Variants in MTM1 observed in about 807,000 individuals in gnomAD.
MTM1 encodes the protein myotubularin 1, also known as myotubularin.
MTM1 carries 9 observed loss-of-function variants against 52.1 expected under a neutral mutation model. The ratio of observed to expected loss-of-function variants is 0.17; its 90% confidence interval spans 0.10 to 0.30. MTM1 has a LOEUF of 0.30. Ranked by LOEUF, MTM1 falls within the 10% of genes least tolerant of loss-of-function variation. The pLI, the probability that MTM1 is intolerant of heterozygous loss-of-function variation, is 1.00. For synonymous variants in MTM1, 136 were observed against 163.8 expected, an observed-to-expected ratio of 0.83 and a Z score of 1.29; for missense variants, 277 against 470.7, an observed-to-expected ratio of 0.59 and a Z score of 3.81.
intron 1 of MTM1, among the ~76,000 whole-genome samples, chrX:150,583,913 ATATAAAATATATATTAAATTAAAAT>A (rs1557412124): frequency 9.8e-5 from 5 of 51,120 alleles, no homozygotes; most frequent in African/African-American, 3.5e-4. Flanking sequence ...TATATATATA[ATATAAAATATATATTAAATTAAAAT>A]ATATATATTA....
At chrX:150,661,403 T>C in intron 13 of MTM1, among the ~76,000 whole-genome samples, 1 of 111,506 alleles carries the variant, frequency 9.0e-6, no homozygotes, top group Non-Finnish European at 1.9e-5. Flanking sequence ...AGTAAAAATA[T>C]AGCTACCATA....
chrX:150,590,421 T>C (rs2038863390), intron 1 of MTM1, among the ~76,000 whole-genome samples: 1 of 111,875 alleles, frequency 8.9e-6, no homozygotes, highest in Non-Finnish European at 1.9e-5. Flanking sequence ...GGATAGCAAA[T>C]TCGTGGTTGC....
chrX:150,653,885 C>T (rs1429746425), intron 10 of MTM1, among the ~76,000 whole-genome samples: 1 of 112,127 alleles, frequency 8.9e-6, no homozygotes, highest in African/African-American at 3.2e-5. Context: ...TGAGCCTATG[C>T]TCAATGTGAG....
At chrX:150,651,544 T>C (rs983262045) in intron 10 of MTM1, among the ~76,000 whole-genome samples, 2 of 105,575 alleles carry the variant, frequency 1.9e-5, no homozygotes, top group African/African-American at 7.0e-5. Flanking sequence ...CATAAAAAAA[T>C]GAAAGGCAAA....
intron 6 of MTM1, among the ~76,000 whole-genome samples, chrX:150,622,390 G>A (rs1243831550): frequency 9.0e-6 from 1 of 111,711 alleles, no homozygotes; most frequent in East Asian, 2.8e-4. Context: ...AAGTCCACAT[G>A]TGCAACTGTT....
At chrX:150,583,908 ATATAAT>A (rs2038724742) in intron 1 of MTM1, among the ~76,000 whole-genome samples, 1 of 45,763 alleles carries the variant, frequency 2.2e-5, no homozygotes, top group African/African-American at 7.2e-5. Context: ...ATATATATAT[ATATAAT>A]ATAAAATATA....
At chrX:150,615,995 G>C (rs893442428) in intron 5 of MTM1, among the ~76,000 whole-genome samples, 5 of 111,241 alleles carry the variant, frequency 4.5e-5, no homozygotes, top group Non-Finnish European at 9.4e-5. Flanking sequence ...GGAGTAGAGT[G>C]TTTAATATTA....
At chrX:150,578,103 TG>T (rs2038504729) in intron 1 of MTM1, among the ~76,000 whole-genome samples, 1 of 112,234 alleles carries the variant, frequency 8.9e-6, no homozygotes, top group South Asian at 3.7e-4. Context: ...GAAGTTATCC[TG>T]GGTAGGCCTG....
chrX:150,573,189 G>T (rs1242669844), intron 1 of MTM1, among the ~76,000 whole-genome samples: 4 of 112,489 alleles, frequency 3.6e-5, no homozygotes, highest in East Asian at 5.6e-4. Context: ...CATGTCTAGA[G>T]ATCATGCTCC....
At chrX:150,648,754 A>G (rs1350585327) in intron 9 of MTM1, among the ~76,000 whole-genome samples, 1 of 112,958 alleles carries the variant, frequency 8.9e-6, no homozygotes, top group Non-Finnish European at 1.9e-5. Flanking sequence ...TAGTTGCTGC[A>G]GTAGGCGGTA....
Position 150,583,666 on chromosome X carries a change from ATTT to A in MTM1, c.-10-8938_-10-8936del, listed in dbSNP as rs1557412061. Among the ~76,000 whole-genome samples, 178 of 38,073 alleles carry A rather than the reference ATTT, an allele frequency of 4.7e-3. 24 individuals carry two copies. Among genetic ancestry groups the A allele is most frequent in the African/African-American group, 0.017 (167 of 9,543 alleles). 33.1% of individuals were successfully genotyped at this position (38,073 alleles called of 115,157 possible). On this transcript the variant is annotated intron_variant, in intron 1 of 14. Coordinates refer to ENST00000370396, the MANE Select transcript of MTM1 (RefSeq NM_000252.3). ...ATATAATTTATATATATTATATATA[ATTT>A]ATATATAAATAATTTGTATATATTA...
intron 6 of MTM1, among the ~76,000 whole-genome samples, chrX:150,634,100 T>C (rs782585657): frequency 8.9e-6 from 1 of 112,568 alleles, no homozygotes; most frequent in East Asian, 2.8e-4. Flanking sequence ...TTTGGAGACA[T>C]AGGTCATTAA....
rs2040409252 is a variant in MTM1, at chrX:150,672,374, A to G, written c.*779A>G. The G allele has an allele frequency of 1.8e-5, 2 of 111,925 alleles. No individual in the cohort carries two copies. Among genetic ancestry groups the G allele is most frequent in the Non-Finnish European group, 1.9e-5 (1 of 53,239 alleles). 9.2% of individuals were successfully genotyped at this position (111,925 alleles called of 1,213,427 possible). On this transcript the variant is annotated 3_prime_UTR_variant, in exon 15 of 15. Transcript: ENST00000370396. ...CAAACCCCAAAGAGAGCACTGTCCA[A>G]GGATGTCGGGAGCATCCTGCTGCTT...
intron 1 of MTM1, among the ~76,000 whole-genome samples, chrX:150,570,250 A>T (rs939449713): frequency 9.0e-6 from 1 of 111,331 alleles, no homozygotes; most frequent in African/African-American, 3.3e-5. Flanking sequence ...ATAAACAATG[A>T]TATATTTTCT....
intron 2 of MTM1, among the ~76,000 whole-genome samples, chrX:150,594,516 G>A (rs1557412563): frequency 8.9e-6 from 1 of 112,024 alleles, no homozygotes; most frequent in African/African-American, 3.2e-5. Context: ...TTGAAATACT[G>A]AAGTTTAAAG....
At chrX:150,583,457 TAATTATAA>T (rs2038663985) in intron 1 of MTM1, among the ~76,000 whole-genome samples, 3 of 28,091 alleles carry the variant, frequency 1.1e-4, no homozygotes, top group Non-Finnish European at 1.6e-4. Context: ...ATATTATATA[TAATTATAA>T]ATATATATAA....
chrX:150,584,330 A>G (rs1557412160), intron 1 of MTM1, among the ~76,000 whole-genome samples: 1 of 110,579 alleles, frequency 9.0e-6, no homozygotes, highest in East Asian at 2.8e-4. Context: ...CAAGTGGCAG[A>G]AGAATATATA....
At chrX:150,625,836 G>A (rs1324261057) in intron 6 of MTM1, among the ~76,000 whole-genome samples, 4 of 112,729 alleles carry the variant, frequency 3.5e-5, no homozygotes, top group African/African-American at 1.3e-4. Flanking sequence ...TCTTATGTCA[G>A]TCAGAAAAGA....
At chrX:150,590,609 A>G (rs782465031) in intron 1 of MTM1, among the ~76,000 whole-genome samples, 1 of 111,700 alleles carries the variant, frequency 9.0e-6, no homozygotes, top group South Asian at 3.7e-4. Context: ...GTTGTAGTAA[A>G]ACAGTTAAAT....
Sources: gnomAD v4.1 joint callset for allele counts (sites outside exome capture counted in the v4.1 genomes callset) on GRCh38, gnomAD v4.1.1 for gene constraint, MANE v1.5 for transcripts, NCBI Gene and HGNC (gene_info 2026-07-23, HGNC 2026-07-21) for gene names.